The following ROCK2 variants were observed in gnomAD, a reference collection of about 807,000 sequenced individuals.
The protein encoded by ROCK2 is rho-associated protein kinase 2.
Under a neutral mutation model 195.1 loss-of-function variants are expected in ROCK2, and 61 were observed. The ratio of observed to expected loss-of-function variants is 0.31; its 90% confidence interval spans 0.25 to 0.39. The LOEUF (loss-of-function observed/expected upper bound fraction) is 0.39, where lower values mean the gene tolerates loss of function less well. Among genes scored for constraint, ROCK2 ranks in the 10% least tolerant of loss-of-function variants. ROCK2 has a pLI of 1.00. For missense variants in ROCK2, 1,109 were observed against 1,637.4 expected, an observed-to-expected ratio of 0.68 and a Z score of 5.57; for synonymous variants, 504 against 545.5, an observed-to-expected ratio of 0.92 and a Z score of 1.06.
At chr2:11,329,509 T>C (rs933248635) in intron 1 of ROCK2, among the ~76,000 whole-genome samples, 1 of 151,980 alleles carries the variant, frequency 6.6e-6, no homozygotes, top group Non-Finnish European at 1.5e-5. Context: ...TTATTCACTG[T>C]TATATTTTAT....
intron 1 of ROCK2, among the ~76,000 whole-genome samples, chr2:11,317,615 T>A (rs866703176): frequency 8.2e-3 from 370 of 44,892 alleles, no homozygotes; most frequent in African/African-American, 0.016. Context: ...TATATATATT[T>A]TTTTTTTTTT....
intron 2 of ROCK2, among the ~76,000 whole-genome samples, chr2:11,287,025 G>A (rs1021957921): frequency 2.0e-5 from 3 of 152,096 alleles, no homozygotes; most frequent in African/African-American, 7.2e-5. Context: ...AATTTTGATG[G>A]CCTACTTCTC....
In ROCK2 at chr2:11,255,279, A is replaced by G. The variant is rs1034012212; in HGVS notation, c.325-5481T>C. ...ATCTTTCCACACATCTACATTTACAAAGTATAAAACAGCCTGCAAGAGTTA... is the reference window on the plus strand; with the variant it reads ...ATCTTTCCACACATCTACATTTACAGAGTATAAAACAGCCTGCAAGAGTTA... On this transcript the variant is annotated intron_variant, in intron 3 of 32. Coordinates refer to ENST00000315872, the MANE Select transcript of ROCK2 (RefSeq NM_004850.5). 1.3e-4 allele frequency among the ~76,000 whole-genome samples: 20 copies of G among 150,764 alleles called. No homozygotes were observed. In the East Asian group the frequency reaches 2.5e-3, roughly 19 times the overall value.
At chr2:11,244,207 A>G (rs766482937) in intron 4 of ROCK2, among the ~76,000 whole-genome samples, 2 of 152,174 alleles carry the variant, frequency 1.3e-5, no homozygotes, top group Non-Finnish European at 2.9e-5. Context: ...TTATCAATAA[A>G]AACTGTGCAG....
intron 20 of ROCK2, among the ~76,000 whole-genome samples, chr2:11,206,585 G>A (rs1664060111): frequency 6.6e-6 from 1 of 152,170 alleles, no homozygotes. Flanking sequence ...AAATAGATCA[G>A]CTCAGCAAAA....
upstream of ROCK2, among the ~76,000 whole-genome samples, chr2:11,344,743 C>T (rs996810042): frequency 4.0e-5 from 6 of 149,164 alleles, no homozygotes; most frequent in African/African-American, 1.5e-4. The surrounding 1 kb of genome is among the most constrained non-coding windows in gnomAD (Gnocchi z 5.4). Flanking sequence ...GCGCACCGCG[C>T]TTCCTCCCTT....
At chr2:11,208,501 C>T in intron 18 of ROCK2, 54 bp from the exon 19 acceptor site, 1 of 1,108,070 alleles carries the variant, frequency 9.0e-7, no homozygotes. Context: ...AGAAGCATAT[C>T]ATAAATTTGT....
chr2:11,285,686 G>A (rs1384679694), intron 3 of ROCK2, among the ~76,000 whole-genome samples: 2 of 152,168 alleles, frequency 1.3e-5, no homozygotes, highest in South Asian at 2.1e-4. Flanking sequence ...AAATGAGCTG[G>A]GTGTGTGGCA....
At chr2:11,339,625 T>C (rs1269721917) in intron 1 of ROCK2, among the ~76,000 whole-genome samples, 1 of 151,612 alleles carries the variant, frequency 6.6e-6, no homozygotes, top group East Asian at 1.9e-4. Flanking sequence ...AGAATATGAA[T>C]AACCCACAAT....
chr2:11,271,802 C>T (rs1399467473), intron 3 of ROCK2, among the ~76,000 whole-genome samples: 6 of 151,928 alleles, frequency 3.9e-5, no homozygotes, highest in Admixed American at 2.6e-4. Flanking sequence ...CAGAGGCGGG[C>T]GGATCACAAG....
intron 3 of ROCK2, among the ~76,000 whole-genome samples, chr2:11,269,420 G>A (rs999824730): frequency 6.6e-6 from 1 of 151,778 alleles, no homozygotes; most frequent in African/African-American, 2.4e-5. Context: ...GCTGAGGCAC[G>A]AGACTCTCTT....
chr2:11,181,718 C>G lies in ROCK2; in HGVS notation c.*1719G>C, dbSNP rs1244192791. 6.7e-6 allele frequency: 1 copy of G among 149,928 alleles called. No homozygotes were observed. The highest frequency in any genetic ancestry group is 2.5e-5 in the African/African-American group (1 of 40,788). The allele number at this position is 149,928 out of a possible 1,614,324, so 9.3% of individuals were successfully genotyped here. A position where few individuals can be genotyped will look rare whatever the true frequency, so the allele number is the denominator to read the frequency against. ...GCTCGATCTTCGCTCACTGCAACCA[C>G]CGTCTCCTGGGTTCAAGCGATTCTC... On this transcript the variant is annotated 3_prime_UTR_variant, in exon 33 of 33. Transcript: ENST00000315872.
At chr2:11,230,405 T>C (rs922228422) in intron 5 of ROCK2, among the ~76,000 whole-genome samples, 5 of 152,152 alleles carry the variant, frequency 3.3e-5, no homozygotes, top group Non-Finnish European at 7.3e-5. Context: ...TGAATAAGAA[T>C]TTTCCAGGCA....
intron 1 of ROCK2, among the ~76,000 whole-genome samples, chr2:11,297,536 A>G (rs895336576): frequency 6.6e-6 from 1 of 152,104 alleles, no homozygotes; most frequent in African/African-American, 2.4e-5. Flanking sequence ...GCCGCCTCCT[A>G]TAAGTCATAT....
intron 1 of ROCK2, among the ~76,000 whole-genome samples, chr2:11,333,515 C>G (rs1448183545): frequency 5.3e-5 from 8 of 151,972 alleles, no homozygotes; most frequent in Admixed American, 5.2e-4. Context: ...AAAAAAGCAC[C>G]TGCATGTATT....
chr2:11,290,206 T>G (rs1288124281), intron 1 of ROCK2, among the ~76,000 whole-genome samples: 1 of 152,200 alleles, frequency 6.6e-6, no homozygotes, highest in Non-Finnish European at 1.5e-5. Flanking sequence ...GCTCAGGACT[T>G]GATTGAAAGC....
intron 1 of ROCK2, chr2:11,308,380 T>G (rs771096419): frequency 2.7e-6 from 4 of 1,480,532 alleles, no homozygotes; most frequent in Non-Finnish European, 3.8e-6. Context: ...TAAGAAGAAT[T>G]TTGGCACCTG....
At chr2:11,281,612 T>C (rs536211170) in intron 3 of ROCK2, among the ~76,000 whole-genome samples, 1 of 152,254 alleles carries the variant, frequency 6.6e-6, no homozygotes, top group South Asian at 2.1e-4. Context: ...GCAATACATA[T>C]GAAATTAAAT....
rs1320922773 is a variant in ROCK2, at chr2:11,182,033, A to AAAAAG, written c.*1403_*1404insCTTTT. ...AAAAAAAAACAAAAACAAAAAAAAA[A>AAAAAG]CTTTACGCTTACCATTGCTGCATAT... is the stretch of plus-strand genomic sequence containing the variant. On this transcript the variant is annotated 3_prime_UTR_variant, in exon 33 of 33. Transcript: ENST00000315872. 6.6e-5 allele frequency: 10 copies of AAAAAG among 152,162 alleles called. No individual in the cohort carries two copies. The highest frequency in any genetic ancestry group is 1.5e-4 in the Non-Finnish European group (10 of 68,038). The allele number at this position is 152,162 out of a possible 1,614,324, so 9.4% of individuals were successfully genotyped here. A position where few individuals can be genotyped will look rare whatever the true frequency, so the allele number is the denominator to read the frequency against.
Sources: allele counts gnomAD v4.1 joint callset (sites outside exome capture counted in the v4.1 genomes callset), GRCh38; gene constraint gnomAD v4.1.1; non-coding constraint Gnocchi (gnomAD v3.1); transcripts MANE v1.5; gene names NCBI Gene and HGNC (gene_info 2026-07-23, HGNC 2026-07-21).